The following PROX2 variants were observed in gnomAD, a reference collection of about 807,000 sequenced individuals.
PROX2 encodes prospero homeobox 2.
PROX2 carries 46 observed loss-of-function variants against 48.9 expected under a neutral mutation model. The ratio of observed to expected loss-of-function variants is 0.94; its 90% CI spans 0.74 to 1.20. The LOEUF (loss-of-function observed/expected upper bound fraction) is 1.20, where lower values mean the gene tolerates loss of function less well. Among genes scored for constraint, PROX2 ranks in the 50% most tolerant of loss-of-function variants. PROX2 has a pLI of 0.00. For synonymous variants in PROX2, 260 were observed against 276.6 expected, an observed-to-expected ratio of 0.94 and a Z score of 0.60; for missense variants, 663 against 719.4, an observed-to-expected ratio of 0.92 and a Z score of 0.90.
At chr14:74,874,221 G>T in intron 1 of PROX2, 3 of 397,030 alleles carry the variant, frequency 7.6e-6, no homozygotes, top group Non-Finnish European at 1.5e-5. Context: ...TGATTTCAGA[G>T]CTTTGGGATG....
At chr14:74,873,569 T>C (rs907106152) in intron 1 of PROX2, 2 of 222,018 alleles carry the variant, frequency 9.0e-6, no homozygotes, top group East Asian at 1.3e-4. Context: ...TTTATATTTT[T>C]AGATGTCAAC....
At position 74,855,061 on chromosome 14, in the gene PROX2, G is replaced by A; in HGVS notation, c.*71C>T. ...CTTTTTATATGACTACAGCTAAATT[G>A]CCCTTTAAGACAAACCCAGGAAACC... On this transcript the variant is annotated 3_prime_UTR_variant, in exon 6 of 6. Coordinates refer to ENST00000556489, the MANE Select transcript of PROX2 (RefSeq NM_001243007.2). 2 of 1,081,386 alleles carry A rather than the reference G, an allele frequency of 1.8e-6. No individual in the cohort carries two copies. The highest frequency in any genetic ancestry group is 2.7e-5 in the South Asian group (1 of 36,376). The allele number at this position is 1,081,386 out of a possible 1,614,324, so 67.0% of individuals were successfully genotyped here.
At position 74,853,284 on chromosome 14, in the gene PROX2, A is replaced by G. The variant is rs537020406; in HGVS notation, c.*1848T>C. On this transcript the variant is annotated 3_prime_UTR_variant, in exon 6 of 6. Coordinates refer to ENST00000556489, the MANE Select transcript of PROX2 (RefSeq NM_001243007.2). ...AGTCATGTGAACTTGTTTCCCCTGTATGTCTAACTTAGGTATGTAATGTCA... is the reference window on the plus strand; with the variant it reads ...AGTCATGTGAACTTGTTTCCCCTGTGTGTCTAACTTAGGTATGTAATGTCA... 5 of 152,312 alleles carry G rather than the reference A, an allele frequency of 3.3e-5. No individual in the cohort carries two copies. Among genetic ancestry groups the G allele is most frequent in the Admixed American group, 3.3e-4 (5 of 15,292 alleles). 9.4% of individuals were successfully genotyped at this position (152,312 alleles called of 1,614,324 possible).
chr14:74,860,435 G>C (rs1046599617), intron 3 of PROX2, among the ~76,000 whole-genome samples: 3 of 151,948 alleles, frequency 2.0e-5, no homozygotes, highest in African/African-American at 7.3e-5. Flanking sequence ...AAGCTTTATG[G>C]GTTTCAGAAT....
chr14:74,865,571 G>A (rs11628726), intron 2 of PROX2, among the ~76,000 whole-genome samples: 51,630 of 152,068 alleles, frequency 0.34, 9,056 homozygotes, highest in African/African-American at 0.4. Context: ...GGCCGGGCGC[G>A]GTGGCTCACG....
Position 74,862,721 on chromosome 14 carries a change from G to T in PROX2, c.1114C>A (p.His372Asn), listed in dbSNP as rs117959226. ...CGTAGGGCAGGCTCTGAGGAGGGGT[G>T]CCTCTGGGAAGATGAGTCCTGGGGA... Reference protein sequence around the residue: ...SPPQDSSSQRHPSSEPALRPW... With the variant: ...SPPQDSSSQRNPSSEPALRPW... The change falls in exon 3 of 6, where the codon CAC becomes AAC. Residue 372 changes from histidine to asparagine, a missense_variant. Coordinates refer to ENST00000556489, the MANE Select transcript of PROX2 (RefSeq NM_001243007.2). 9.2e-5 allele frequency: 149 copies of T among 1,613,990 alleles called. No individual in the cohort carries two copies. In the East Asian group the frequency reaches 2.5e-3, roughly 28 times the overall value.
chr14:74,870,811 G>T (rs982171018), intron 2 of PROX2, among the ~76,000 whole-genome samples: 3 of 152,088 alleles, frequency 2.0e-5, no homozygotes, highest in African/African-American at 7.2e-5. Flanking sequence ...AGGCCAAGGG[G>T]AGTGGATTGC....
In PROX2 at chr14:74,862,535, C is replaced by T. The variant is rs1210957377; in HGVS notation, c.1300G>A (p.Val434Ile). 1 of 1,611,828 alleles carries T rather than the reference C, an allele frequency of 6.2e-7. No individual in the cohort carries two copies. Among genetic ancestry groups the T allele is most frequent in the Non-Finnish European group, 8.5e-7 (1 of 1,179,120 alleles). The change falls in exon 3 of 6, where the codon GTC (valine) becomes ATC (isoleucine). Residue 434 changes from valine (V) to isoleucine (I), a missense_variant. Transcript: ENST00000556489. ...CAATTGCTATTAAAGGATATGTGGA[C>T]CAAAGAGAAAGGCAGTGCCTCCATG... ...AVMEALPFSL[V>I]HIQEGLNPGH...
At chr14:74,861,369 T>C (rs776563445) in intron 3 of PROX2, 30 of 497,874 alleles carry the variant, frequency 6.0e-5, no homozygotes, top group Admixed American at 1.2e-4. Flanking sequence ...AGTGGTCATA[T>C]GGGTTTGGGG....
chr14:74,853,870 T>G lies in PROX2; in HGVS notation c.*1262A>C, dbSNP rs2091722918. Reference sequence around the variant, plus strand: ...CTCAGCTTTGTACATGCCTTGCCTATATACTCAAGAGTGGGTCACAATTGT... The same window carrying G: ...CTCAGCTTTGTACATGCCTTGCCTAGATACTCAAGAGTGGGTCACAATTGT... On this transcript the variant is annotated 3_prime_UTR_variant, in exon 6 of 6. Transcript: ENST00000556489. 1 of 154,612 alleles carries G rather than the reference T, an allele frequency of 6.5e-6. No homozygotes were observed. Among genetic ancestry groups the G allele is most frequent in the Non-Finnish European group, 1.4e-5 (1 of 69,622 alleles). The allele number at this position is 154,612 out of a possible 1,614,324, so 9.6% of individuals were successfully genotyped here.
chr14:74,875,198 G>A (rs1883311033), intron 1 of PROX2, among the ~76,000 whole-genome samples: 2 of 152,068 alleles, frequency 1.3e-5, no homozygotes, highest in South Asian at 4.1e-4. Flanking sequence ...GTTTTTAAAA[G>A]AATAAAAGGG....
At chr14:74,862,030 A>T (rs571157808) in intron 3 of PROX2, among the ~76,000 whole-genome samples, 1 of 152,342 alleles carries the variant, frequency 6.6e-6, no homozygotes, top group African/African-American at 2.4e-5. Flanking sequence ...CAAGTGGCAG[A>T]ACCCGATGGG....
chr14:74,857,280 G>C (rs1453312625), intron 4 of PROX2: 6 of 304,166 alleles, frequency 2.0e-5, no homozygotes, highest in Non-Finnish European at 3.7e-5. Flanking sequence ...TGGTGTTTGA[G>C]TGGGACTTAG....
Position 74,853,557 on chromosome 14 carries a change from A to G in PROX2, c.*1575T>C, listed in dbSNP as rs937978247. 6.6e-6 allele frequency: 1 copy of G among 152,248 alleles called. No individual in the cohort carries two copies. Among genetic ancestry groups the G allele is most frequent in the Admixed American group, 6.5e-5 (1 of 15,284 alleles). The allele number at this position is 152,248 out of a possible 1,614,324, so 9.4% of individuals were successfully genotyped here. On this transcript the variant is annotated 3_prime_UTR_variant, in exon 6 of 6. Coordinates refer to ENST00000556489, the MANE Select transcript of PROX2 (RefSeq NM_001243007.2). ...TCAGCTGTTTGAAGAGAAAATTCAA[A>G]GGAAAATTCATCTTTCATACTTTTT... is the stretch of plus-strand genomic sequence containing the variant.
In PROX2 at chr14:74,871,179, G is replaced by C. The variant is rs926375084; in HGVS notation, c.-251C>G. 1.3e-5 allele frequency: 2 copies of C among 151,546 alleles called. No individual in the cohort carries two copies. Among genetic ancestry groups the C allele is most frequent in the African/African-American group, 4.9e-5 (2 of 41,192 alleles). 9.4% of individuals were successfully genotyped at this position (151,546 alleles called of 1,614,324 possible). A position where few individuals can be genotyped will look rare whatever the true frequency, so the allele number is the denominator to read the frequency against. ...GGAGTTCAAAGCTGTAGTGTGCTACGATCATGCCAATGAATAGCCACTGCA... is the reference window on the plus strand; with the variant it reads ...GGAGTTCAAAGCTGTAGTGTGCTACCATCATGCCAATGAATAGCCACTGCA... On this transcript the variant is annotated 5_prime_UTR_variant, in exon 2 of 6. It adds an upstream start codon to the 5' untranslated region. Coordinates refer to ENST00000556489, the MANE Select transcript of PROX2 (RefSeq NM_001243007.2).
At chr14:74,865,795 C>T (rs371110534) in intron 2 of PROX2, among the ~76,000 whole-genome samples, 106 of 151,980 alleles carry the variant, frequency 7.0e-4, no homozygotes, top group African/African-American at 2.4e-3. Context: ...CACACCACTG[C>T]CCTCCAGCCT....
At chr14:74,859,797 A>G (rs2091780913) in intron 3 of PROX2, among the ~76,000 whole-genome samples, 2 of 152,180 alleles carry the variant, frequency 1.3e-5, no homozygotes, top group African/African-American at 4.8e-5. Flanking sequence ...TAGTTGCTGC[A>G]CAGGAGATCC....
At chr14:74,865,434 G>A (rs1594862385) in intron 2 of PROX2, 1 of 152,344 alleles carries the variant, frequency 6.6e-6, no homozygotes, top group Non-Finnish European at 1.5e-5. Context: ...GGAGAGAGCG[G>A]TTGGGGAGAA....
chr14:74,864,445 T>C (rs1426949293), intron 2 of PROX2, among the ~76,000 whole-genome samples: 3 of 152,222 alleles, frequency 2.0e-5, no homozygotes, highest in South Asian at 2.1e-4. Flanking sequence ...CCTATGGTCA[T>C]GCAGCTCGTA....
Sources: gnomAD v4.1 joint callset for allele counts (sites outside exome capture counted in the v4.1 genomes callset) on GRCh38, gnomAD v4.1.1 for gene constraint, MANE v1.5 for transcripts, NCBI Gene and HGNC (gene_info 2026-07-23, HGNC 2026-07-21) for gene names.